ZNF483: variants seen among roughly 807,000 people sequenced by gnomAD.
ZNF483 encodes zinc finger protein HIT-10.
In ZNF483, 9 loss-of-function variants were observed where a neutral mutation model predicts 28.6. That is an observed-to-expected ratio of 0.32 (90% CI 0.19 to 0.55). ZNF483 has a LOEUF of 0.55. Among genes scored for constraint, ZNF483 ranks in the 20% least tolerant of loss-of-function variants. The probability of loss-of-function intolerance (pLI) is 0.93; values close to 1 mark genes in which losing one functional copy is unlikely to be tolerated. For synonymous variants in ZNF483, 322 were observed against 306.2 expected (o/e 1.05, Z -0.54); for missense variants, 675 against 871.7 (o/e 0.77, Z 2.84).
chr9:111,543,691 TTTTA>T lies in ZNF483; in HGVS notation c.*525_*528del, dbSNP rs1295518422. Reference sequence around the variant, plus strand: ...GAAGCTGTGGACATAAGTTATTTTTTTTTATTTGTCATTACTTTCAAGTTTCTCT... The same window carrying T: ...GAAGCTGTGGACATAAGTTATTTTTTTTTGTCATTACTTTCAAGTTTCTCT... On this transcript the variant is annotated 3_prime_UTR_variant, in exon 6 of 6. Coordinates refer to ENST00000309235, the MANE Select transcript of ZNF483 (RefSeq NM_133464.5). The T allele has an allele frequency of 3.1e-6, 3 of 978,572 alleles. No individual in the cohort carries two copies. The highest frequency in any genetic ancestry group is 1.7e-5 in the African/African-American group (1 of 57,268). 60.6% of individuals were successfully genotyped at this position (978,572 alleles called of 1,614,324 possible).
At chr9:111,528,549 G>A (rs1827238178) in intron 2 of ZNF483, among the ~76,000 whole-genome samples, 1 of 152,004 alleles carries the variant, frequency 6.6e-6, no homozygotes, top group African/African-American at 2.4e-5. Context: ...CAAATTTGTA[G>A]CTATTTATGT....
intron 2 of ZNF483, among the ~76,000 whole-genome samples, chr9:111,529,566 C>G (rs913217382): frequency 1.3e-5 from 2 of 152,214 alleles, no homozygotes; most frequent in African/African-American, 4.8e-5. Flanking sequence ...TTGAGCAAGG[C>G]TTTGTACTAG....
rs1827764616 is a variant in ZNF483, at chr9:111,544,696, A to G, written c.*1526A>G. On this transcript the variant is annotated 3_prime_UTR_variant, in exon 6 of 6. Transcript: ENST00000309235. ...TGAATGTAGAATTGATACAGAAAAAATTTTCAGTTAAGTTTTCTTTTGTGA... is the reference window on the plus strand; with the variant it reads ...TGAATGTAGAATTGATACAGAAAAAGTTTTCAGTTAAGTTTTCTTTTGTGA... Among the ~76,000 whole-genome samples, 1 of 152,136 alleles carries G rather than the reference A, an allele frequency of 6.6e-6. No individual in the cohort carries two copies. Among genetic ancestry groups the G allele is most frequent in the African/African-American group, 2.4e-5 (1 of 41,434 alleles).
rs1406123399 is a variant in ZNF483, at chr9:111,549,494, TCA to T, written c.*6325_*6326del. On this transcript the variant is annotated 3_prime_UTR_variant, in exon 6 of 6. Transcript: ENST00000309235. ...GAGAAATTGGTGAGGTATCTTTCTCTCAGAGTCTTTTTTATGAAGTCTGATGT... is the reference window on the plus strand; with the variant it reads ...GAGAAATTGGTGAGGTATCTTTCTCTGAGTCTTTTTTATGAAGTCTGATGT... Among the ~76,000 whole-genome samples, 1 of 152,192 alleles carries T rather than the reference TCA, an allele frequency of 6.6e-6. No individual in the cohort carries two copies. The highest frequency in any genetic ancestry group is 1.5e-5 in the Non-Finnish European group (1 of 68,016).
rs1026401845 is a variant in ZNF483, at chr9:111,546,589, G to T, written c.*3419G>T. On this transcript the variant is annotated 3_prime_UTR_variant, in exon 6 of 6. Transcript: ENST00000309235. Reference sequence around the variant, plus strand: ...AATAATGTTTCCTCTTAATGAGCGTGTATAAATTTTTTTCATGTCACAGGA... The same window carrying T: ...AATAATGTTTCCTCTTAATGAGCGTTTATAAATTTTTTTCATGTCACAGGA... Among the ~76,000 whole-genome samples the T allele has an allele frequency of 6.6e-6, 1 of 152,122 alleles. No homozygotes were observed. The highest frequency in any genetic ancestry group is 2.4e-5 in the African/African-American group (1 of 41,434).
intron 2 of ZNF483, 61 bp from the exon 3 acceptor site, chr9:111,530,811 ATAT>A (rs1827323239): frequency 6.3e-6 from 1 of 157,962 alleles, no homozygotes; most frequent in Non-Finnish European, 1.3e-5. Flanking sequence ...ACATATATAT[ATAT>A]AAGATTTTTA....
chr9:111,527,135 T>C, intron 1 of ZNF483, 133 bp from the exon 2 acceptor site: 1 of 293,378 alleles, frequency 3.4e-6, no homozygotes, highest in Non-Finnish European at 6.3e-6. Flanking sequence ...ATCCTTTTAA[T>C]TGAGCAGGGC....
rs1405316934 is a variant in ZNF483 at position 111,550,577 on chromosome 9, T to A, written c.*7407T>A. ...AGCTACAAGTGTTCAGATGGACTCA[T>A]GTGCTCCCAAAATAATCACTTTAGG... On this transcript the variant is annotated 3_prime_UTR_variant, in exon 6 of 6. Coordinates refer to ENST00000309235, the MANE Select transcript of ZNF483 (RefSeq NM_133464.5). Among the ~76,000 whole-genome samples, 1 of 152,178 alleles carries A rather than the reference T, an allele frequency of 6.6e-6. No individual in the cohort carries two copies. The highest frequency in any genetic ancestry group is 1.5e-5 in the Non-Finnish European group (1 of 68,030).
downstream of ZNF483, among the ~76,000 whole-genome samples, chr9:111,559,106 G>T (rs1355138793): frequency 6.6e-6 from 1 of 151,984 alleles, no homozygotes; most frequent in Non-Finnish European, 1.5e-5. Context: ...CTCCCCTCAG[G>T]CTCTGACCTC....
Position 111,542,771 on chromosome 9 carries a change from CG to C in ZNF483, c.1838del (p.Gly613GlufsTer2). The C allele has an allele frequency of 6.2e-7, 1 of 1,613,870 alleles. No homozygotes were observed. Among genetic ancestry groups the C allele is most frequent in the Non-Finnish European group, 8.5e-7 (1 of 1,179,872 alleles). On this transcript the variant is annotated frameshift_variant, in exon 6 of 6. Transcript: ENST00000309235. LOFTEE classifies it low-confidence loss of function (END_TRUNC). The surrounding 1 kb of genome is among the most constrained non-coding windows in gnomAD (Gnocchi z 6.2). ...AAAAACCATATTTGTGTAATGATTG[CG>C]GAATGACTTTTAGCCATTTTACGTC... is the stretch of plus-strand genomic sequence containing the variant. ...GEKPYLCNDC[G>X]MTFSHFTSVI...
Position 111,542,980 on chromosome 9 carries a change from A to G in ZNF483, c.2045A>G (p.His682Arg), listed in dbSNP as rs1185843976. ...FSQSSSLNEHHRIHTGEKPYE... is the reference protein window; with the variant it reads ...FSQSSSLNEHRRIHTGEKPYE... ...CAGAGTTCATCTCTTAATGAGCACC[A>G]CCGAATTCATACAGGAGAGAAACCC... The change falls in exon 6 of 6, where the codon CAC (histidine) becomes CGC (arginine). Residue 682 changes from histidine to arginine, a missense_variant. By Grantham distance (29) the His-to-Arg change is conservative (BLOSUM62 0). Around this residue, in one of 6 missense-constraint regions of ZNF483, gnomAD observed 3 missense variants for 20.7 expected, o/e 0.15. Coordinates refer to ENST00000309235, the MANE Select transcript of ZNF483 (RefSeq NM_133464.5). The surrounding 1 kb of genome is among the most constrained non-coding windows in gnomAD (Gnocchi z 6.2). The G allele has an allele frequency of 1.2e-6, 2 of 1,614,014 alleles. No homozygotes were observed. The highest frequency in any genetic ancestry group is 1.7e-6 in the Non-Finnish European group (2 of 1,180,014).
intron 5 of ZNF483, among the ~76,000 whole-genome samples, chr9:111,540,383 A>G (rs988932332): frequency 3.9e-5 from 6 of 152,312 alleles, no homozygotes; most frequent in African/African-American, 1.2e-4. Flanking sequence ...CGTAAAAGTG[A>G]CAGTGTGACC....
intron 2 of ZNF483, 87 bp from the exon 3 acceptor site, chr9:111,530,788 T>TCACTTAGAA (rs1827317360): frequency 1.2e-5 from 1 of 82,064 alleles, no homozygotes; most frequent in African/African-American, 5.8e-5. Flanking sequence ...TATATATATA[T>TCACTTAGAA]ATATATATAT....
intron 5 of ZNF483, among the ~76,000 whole-genome samples, chr9:111,538,105 A>C (rs553574017): frequency 1.3e-5 from 2 of 151,336 alleles, no homozygotes; most frequent in East Asian, 3.9e-4. Context: ...TTAAAAATAC[A>C]TGACATACAT....
intron 5 of ZNF483, among the ~76,000 whole-genome samples, chr9:111,567,855 G>A (rs1437099137): frequency 6.6e-6 from 1 of 152,306 alleles, no homozygotes; most frequent in East Asian, 1.9e-4. Flanking sequence ...AGCCATGGCA[G>A]AGGAACATAA....
chr9:111,558,011 G>A (rs909908572), downstream of ZNF483, among the ~76,000 whole-genome samples: 4 of 152,136 alleles, frequency 2.6e-5, no homozygotes, highest in Admixed American at 2.0e-4. Flanking sequence ...GCCAGGCATG[G>A]TGGTGCGCGC....
At chr9:111,525,611 C>T (rs1358510200) in intron 1 of ZNF483, among the ~76,000 whole-genome samples, 2 of 152,164 alleles carry the variant, frequency 1.3e-5, no homozygotes, top group African/African-American at 4.8e-5. Flanking sequence ...GTCGAGCTAA[C>T]CAAAAATGTG....
rs188382796 is a variant in ZNF483, at chr9:111,567,808, C to T, written c.722-8557C>T. ...GGCCAGGTAGAGTCCACTACTGTTG[C>T]GGGAAGTCAGGGACCCCAAACGGAG... On this transcript the variant is annotated intron_variant, in intron 5 of 5. Transcript: ENST00000358151. 1.1e-4 allele frequency among the ~76,000 whole-genome samples: 17 copies of T among 152,238 alleles called. No individual in the cohort carries two copies. In the East Asian group the frequency reaches 2.3e-3, roughly 21 times the overall value.
At position 111,527,700 on chromosome 9, in the gene ZNF483, C is replaced by G. The variant is rs1473872384; in HGVS notation, c.305C>G (p.Thr102Ser). 2 of 1,613,958 alleles carry G rather than the reference C, an allele frequency of 1.2e-6. No homozygotes were observed. The highest frequency in any genetic ancestry group is 2.2e-5 in the East Asian group (1 of 44,892). Residue 102 changes from threonine (T) to serine (S), a missense_variant, in exon 2 of 6, where the codon ACC (threonine) becomes AGC (serine). By Grantham distance (58) the Thr-to-Ser change is moderately conservative (BLOSUM62 1). Around this residue, in one of 6 missense-constraint regions of ZNF483, gnomAD observed 525 missense variants for 581.8 expected, o/e 0.90. Transcript: ENST00000309235. ...LELLVFEQFL[T>S]ILPGEIRIWV... ...CTTCTGGTGTTTGAGCAGTTCCTGA[C>G]CATTTTGCCTGGGGAGATCAGGATT...
Sources: allele counts gnomAD v4.1 joint callset (sites outside exome capture counted in the v4.1 genomes callset), GRCh38; gene constraint gnomAD v4.1.1; regional missense constraint gnomAD v4.1.1; non-coding constraint Gnocchi (gnomAD v3.1); transcripts MANE v1.5; gene names NCBI Gene and HGNC (gene_info 2026-07-23, HGNC 2026-07-21).